The following PPP2R2D variants were observed in gnomAD, a reference collection of about 807,000 sequenced individuals.
The protein encoded by PPP2R2D is serine/threonine-protein phosphatase 2A 55 kDa regulatory subunit B delta isoform.
In PPP2R2D, 9 loss-of-function variants were observed where a neutral mutation model predicts 31.1. The ratio of observed to expected loss-of-function variants is 0.29; its 90% CI spans 0.17 to 0.51. The LOEUF (loss-of-function observed/expected upper bound fraction) is 0.51, where lower values mean the gene tolerates loss of function less well. PPP2R2D is among the 20% of genes least tolerant of loss of function. The pLI is 0.98. For synonymous variants in PPP2R2D, 179 were observed against 172.6 expected (o/e 1.04, Z -0.29); for missense variants, 391 against 465.6 (o/e 0.84, Z 1.48).
At chr10:131,955,259 T>A (rs1485266754) in intron 8 of PPP2R2D, among the ~76,000 whole-genome samples, 1 of 152,240 alleles carries the variant, frequency 6.6e-6, no homozygotes, top group East Asian at 1.9e-4. Flanking sequence ...AAAAGCAGTT[T>A]AACTCCAAAG....
chr10:131,918,238 ACCTC>A, intron 2 of PPP2R2D, among the ~76,000 whole-genome samples: 2 of 146,392 alleles, frequency 1.4e-5, no homozygotes, highest in African/African-American at 5.2e-5. Flanking sequence ...GTTTGTAGGG[ACCTC>A]AGGCAGGTGG....
At chr10:131,954,994 G>T (rs114959702) in intron 8 of PPP2R2D, among the ~76,000 whole-genome samples, 371 of 152,346 alleles carry the variant, frequency 2.4e-3, no homozygotes, top group African/African-American at 8.2e-3. Flanking sequence ...TGTAGAAAAT[G>T]TAAGATTGCA....
chr10:131,945,154 G>T lies in PPP2R2D; in HGVS notation c.656-141G>T. On this transcript the variant is annotated intron_variant, in intron 6 of 8. Coordinates refer to ENST00000455566, the MANE Select transcript of PPP2R2D (RefSeq NM_018461.5). The surrounding 1 kb of genome is among the most constrained non-coding windows in gnomAD (Gnocchi z 4.8). ...TTACCAGGCGCTCCTTTGGAATTCG[G>T]GATGTGTAACCAGCCTTCTTAATAG... is the stretch of plus-strand genomic sequence containing the variant. 1 of 963,032 alleles carries T rather than the reference G, an allele frequency of 1.0e-6. No individual in the cohort carries two copies. The highest frequency in any genetic ancestry group is 1.9e-5 in the South Asian group (1 of 53,474). 59.7% of individuals were successfully genotyped at this position (963,032 alleles called of 1,614,324 possible).
chr10:131,906,144 A>C (rs2035578259), intron 2 of PPP2R2D, among the ~76,000 whole-genome samples: 1 of 152,212 alleles, frequency 6.6e-6, no homozygotes, highest in East Asian at 1.9e-4. Flanking sequence ...ACATGACTGC[A>C]ACCTGCTTAC....
At position 131,958,560 on chromosome 10, in the gene PPP2R2D, G is replaced by A; in HGVS notation, c.*2597G>A. The A allele has an allele frequency of 6.7e-6, 1 of 148,520 alleles. No homozygotes were observed. Among genetic ancestry groups the A allele is most frequent in the South Asian group, 9.3e-5 (1 of 10,766 alleles). 9.2% of individuals were successfully genotyped at this position (148,520 alleles called of 1,614,324 possible). A position where few individuals can be genotyped will look rare whatever the true frequency, so the allele number is the denominator to read the frequency against. On this transcript the variant is annotated 3_prime_UTR_variant, in exon 9 of 9. Transcript: ENST00000455566. The stretch of plus-strand genomic sequence containing the variant: ...CCCCATCCCCCTGTGGAGATGAAGG[G>A]GTATGCTGATCCCCTGTCCCCCTGT...
In PPP2R2D at chr10:131,945,644, C is replaced by T; in HGVS notation, c.820+185C>T. ...CCAGCTAGTTTTTGTATTTTTAGTA[C>T]AGACAGGGTTTCACCATGTTGACCA... On this transcript the variant is annotated intron_variant, in intron 7 of 8. Coordinates refer to ENST00000455566, the MANE Select transcript of PPP2R2D (RefSeq NM_018461.5). The surrounding 1 kb of genome is among the most constrained non-coding windows in gnomAD (Gnocchi z 4.8). 1 of 662,060 alleles carries T rather than the reference C, an allele frequency of 1.5e-6. No individual in the cohort carries two copies. The highest frequency in any genetic ancestry group is 2.5e-6 in the Non-Finnish European group (1 of 400,806). 41.0% of individuals were successfully genotyped at this position (662,060 alleles called of 1,614,324 possible). A position where few individuals can be genotyped will look rare whatever the true frequency, so the allele number is the denominator to read the frequency against.
the PPP2R2D span, chr10:131,968,290 T>A: frequency 2.8e-6 from 1 of 356,610 alleles, no homozygotes; most frequent in Non-Finnish European, 5.1e-6. Context: ...TACTACCAAA[T>A]TTTCACAGTA....
intron 8 of PPP2R2D, among the ~76,000 whole-genome samples, chr10:131,953,211 GTTGTGTGT>G (rs2036718090): frequency 3.7e-5 from 2 of 54,186 alleles, no homozygotes; most frequent in Non-Finnish European, 3.5e-5. Flanking sequence ...GTGACTTGCG[GTTGTGTGT>G]GGGGGGGTTC....
intron 2 of PPP2R2D, among the ~76,000 whole-genome samples, chr10:131,908,042 C>T (rs1239671096): frequency 5.3e-5 from 8 of 152,278 alleles, no homozygotes; most frequent in Non-Finnish European, 8.8e-5. Context: ...AAACAATGTG[C>T]AGTGCTGTTG....
chr10:131,968,899 C>G, the PPP2R2D span: 2 of 221,986 alleles, frequency 9.0e-6, no homozygotes, highest in Non-Finnish European at 1.8e-5. Context: ...GATGGTGTTG[C>G]TAGTTCATCA....
the PPP2R2D span, chr10:131,968,537 G>A: frequency 6.2e-7 from 1 of 1,601,148 alleles, no homozygotes; most frequent in Non-Finnish European, 8.6e-7. Flanking sequence ...AAAGGTGCTG[G>A]TGGAGGTTGT....
intron 2 of PPP2R2D, among the ~76,000 whole-genome samples, chr10:131,902,696 G>C (rs957190458): frequency 6.6e-6 from 1 of 152,190 alleles, no homozygotes; most frequent in Non-Finnish European, 1.5e-5. Context: ...AGCAAAACTT[G>C]TTTGGGAGTA....
chr10:131,914,898 T>C (rs2035749935), intron 2 of PPP2R2D, among the ~76,000 whole-genome samples: 1 of 152,144 alleles, frequency 6.6e-6, no homozygotes, highest in Admixed American at 6.5e-5. Context: ...TTTGTAGGTA[T>C]AAGGAGAAAA....
In PPP2R2D at chr10:131,945,179, G is replaced by C. The variant is rs1228497124; in HGVS notation, c.656-116G>C. ...GGATGTGTAACCAGCCTTCTTAATA[G>C]CTAATCCCTTAAACCTCACTGCGTG... is the stretch of plus-strand genomic sequence containing the variant. On this transcript the variant is annotated intron_variant, in intron 6 of 8. Coordinates refer to ENST00000455566, the MANE Select transcript of PPP2R2D (RefSeq NM_018461.5). This position sits in a 1 kb window ranked among gnomAD's most constrained non-coding sequence, Gnocchi z 4.8. 2 of 1,222,388 alleles carry C rather than the reference G, an allele frequency of 1.6e-6. No individual in the cohort carries two copies. Among genetic ancestry groups the C allele is most frequent in the Non-Finnish European group, 2.2e-6 (2 of 889,044 alleles). 75.7% of individuals were successfully genotyped at this position (1,222,388 alleles called of 1,614,324 possible).
At chr10:131,908,346 T>A (rs995659541) in intron 2 of PPP2R2D, among the ~76,000 whole-genome samples, 1 of 152,160 alleles carries the variant, frequency 6.6e-6, no homozygotes, top group Non-Finnish European at 1.5e-5. Flanking sequence ...TCCTTCTAAA[T>A]CCACCTCCAA....
intron 2 of PPP2R2D, among the ~76,000 whole-genome samples, chr10:131,905,687 C>T (rs936616359): frequency 3.9e-5 from 6 of 152,216 alleles, no homozygotes; most frequent in Non-Finnish European, 7.3e-5. Flanking sequence ...GTCTCAGATG[C>T]AGAATCCGAG....
intron 2 of PPP2R2D, among the ~76,000 whole-genome samples, chr10:131,907,694 G>T (rs1409113116): frequency 4.7e-5 from 7 of 149,880 alleles, no homozygotes; most frequent in African/African-American, 1.5e-4. Context: ...AGTGAGCGGA[G>T]ATCACGCCAC....
the PPP2R2D span, chr10:131,969,778 G>C: frequency 2.0e-5 from 3 of 152,212 alleles, no homozygotes; most frequent in African/African-American, 7.2e-5. Context: ...CCAGCCCGAG[G>C]AGGAGCCGTT....
chr10:131,927,532 A>T (rs1178833251), intron 2 of PPP2R2D, among the ~76,000 whole-genome samples: 2 of 152,104 alleles, frequency 1.3e-5, no homozygotes, highest in South Asian at 2.1e-4. Flanking sequence ...GCAGAATGGA[A>T]TACCTGCAGA....
Sources: allele counts gnomAD v4.1 joint callset (sites outside exome capture counted in the v4.1 genomes callset), GRCh38; gene constraint gnomAD v4.1.1; non-coding constraint Gnocchi (gnomAD v3.1); transcripts MANE v1.5; gene names NCBI Gene and HGNC (gene_info 2026-07-23, HGNC 2026-07-21).